GABRG1: variants seen among roughly 807,000 people sequenced by gnomAD.
GABRG1 encodes the protein gamma-aminobutyric acid receptor subunit gamma-1.
GABRG1 carries 49 observed loss-of-function variants against 49.8 expected under a neutral mutation model. The ratio of observed to expected loss-of-function variants is 0.98; its 90% CI spans 0.78 to 1.25. The LOEUF (loss-of-function observed/expected upper bound fraction) is 1.25, where lower values mean the gene tolerates loss of function less well. GABRG1 is among the 50% of genes most tolerant of loss of function. The pLI, the probability that GABRG1 is intolerant of heterozygous loss-of-function variation, is 0.00. For missense variants in GABRG1, 552 were observed against 552.3 expected (o/e 1.00, Z 0.01); for synonymous variants, 232 against 185.1 (o/e 1.25, Z -2.06).
intron 3 of GABRG1, among the ~76,000 whole-genome samples, chr4:46,066,198 A>G (rs1718914527): frequency 6.6e-6 from 1 of 152,202 alleles, no homozygotes; most frequent in East Asian, 1.9e-4. Context: ...AATGTCAACA[A>G]TTATATTAAT....
At chr4:46,090,931 A>T (rs1719961216) in intron 2 of GABRG1, among the ~76,000 whole-genome samples, 1 of 122,662 alleles carries the variant, frequency 8.2e-6, no homozygotes, top group Admixed American at 8.2e-5. Context: ...ACTTCCCTGG[A>T]ATACACACAC....
intron 2 of GABRG1, among the ~76,000 whole-genome samples, chr4:46,096,984 A>G (rs1720184876): frequency 2.0e-5 from 3 of 151,694 alleles, no homozygotes; most frequent in South Asian, 2.1e-4. Flanking sequence ...TTGTTGTAGC[A>G]GTTGGAAAAT....
At chr4:46,100,476 TAA>T (rs34941036) in intron 1 of GABRG1, among the ~76,000 whole-genome samples, 2 of 150,140 alleles carry the variant, frequency 1.3e-5, no homozygotes, top group Non-Finnish European at 1.5e-5. Flanking sequence ...AAAATAAAAG[TAA>T]AAAAAAAATA....
intron 5 of GABRG1, among the ~76,000 whole-genome samples, chr4:46,061,671 G>GTT (rs534643290): frequency 9.6e-4 from 145 of 150,360 alleles, no homozygotes; most frequent in Non-Finnish European, 1.3e-3. Flanking sequence ...AATATACCAG[G>GTT]TTTTTTTTTA....
At chr4:46,073,969 G>T (rs755516165) in intron 3 of GABRG1, among the ~76,000 whole-genome samples, 11 of 152,060 alleles carry the variant, frequency 7.2e-5, no homozygotes, top group Admixed American at 3.9e-4. Flanking sequence ...AGGGACTATT[G>T]TATAAACACA....
intron 1 of GABRG1, among the ~76,000 whole-genome samples, chr4:46,117,854 A>G (rs571250645): frequency 1.2e-3 from 90 of 75,196 alleles, no homozygotes; most frequent in African/African-American, 5.7e-3. Context: ...ATGTGTATCT[A>G]TATACATATA....
chr4:46,099,814 T>C (rs963692292), intron 1 of GABRG1, among the ~76,000 whole-genome samples: 4 of 151,652 alleles, frequency 2.6e-5, no homozygotes, highest in Non-Finnish European at 5.9e-5. Context: ...TCTACTATTA[T>C]TATATTCCCT....
At chr4:46,051,775 A>T in intron 7 of GABRG1, 137 bp from the exon 8 acceptor site, 1 of 561,168 alleles carries the variant, frequency 1.8e-6, no homozygotes, top group South Asian at 2.5e-5. Context: ...ATTAATAATT[A>T]TTGGTAGCCA....
At chr4:46,118,474 C>T (rs1246691436) in intron 1 of GABRG1, among the ~76,000 whole-genome samples, 2 of 150,922 alleles carry the variant, frequency 1.3e-5, no homozygotes, top group South Asian at 2.1e-4. Flanking sequence ...TGTTAATATG[C>T]TATCTTGACA....
At chr4:46,098,811 G>A (rs1432724995) in intron 1 of GABRG1, among the ~76,000 whole-genome samples, 1 of 151,590 alleles carries the variant, frequency 6.6e-6, no homozygotes, top group Non-Finnish European at 1.5e-5. Flanking sequence ...TAAAAACCTG[G>A]ATATCACATC....
intron 1 of GABRG1, among the ~76,000 whole-genome samples, chr4:46,100,280 A>G (rs1319401699): frequency 6.6e-6 from 1 of 151,562 alleles, no homozygotes. Flanking sequence ...ATGAGAACAC[A>G]TCGACAAATG....
At position 46,039,165 on chromosome 4, in the gene GABRG1, T is replaced by C. The variant is rs1717657703; in HGVS notation, c.*1823A>G. ...TGCTCACTTTCAAAACATCCATCAG[T>C]ACTCAATGTTATTAAAATGAATGTA... On this transcript the variant is annotated 3_prime_UTR_variant, in exon 9 of 9. Coordinates refer to ENST00000295452, the MANE Select transcript of GABRG1 (RefSeq NM_173536.4). 1 of 151,666 alleles carries C rather than the reference T, an allele frequency of 6.6e-6. No individual in the cohort carries two copies. The highest frequency in any genetic ancestry group is 2.4e-5 in the African/African-American group (1 of 41,410). 9.4% of individuals were successfully genotyped at this position (151,666 alleles called of 1,614,324 possible). A position where few individuals can be genotyped will look rare whatever the true frequency, so the allele number is the denominator to read the frequency against.
intron 1 of GABRG1, among the ~76,000 whole-genome samples, chr4:46,109,189 A>G (rs1720647595): frequency 6.6e-6 from 1 of 150,766 alleles, no homozygotes; most frequent in Non-Finnish European, 1.5e-5. Flanking sequence ...TACTGATTCA[A>G]TTTTGAAACT....
At position 46,080,921 on chromosome 4, in the gene GABRG1, G is replaced by T. The variant is rs1320921785; in HGVS notation, c.321+3065C>A. Among the ~76,000 whole-genome samples the T allele has an allele frequency of 7.2e-5, 11 of 151,748 alleles. No individual in the cohort carries two copies. In the Admixed American group the frequency reaches 7.3e-4, roughly 10 times the overall value. On this transcript the variant is annotated intron_variant, in intron 3 of 8. Transcript: ENST00000295452. ...AGCAATGTACTACTTTATGAAATCT[G>T]ATATTTGCATATTGTTAAAAATGCA...
intron 1 of GABRG1, among the ~76,000 whole-genome samples, chr4:46,104,163 G>T (rs897193234): frequency 6.6e-6 from 1 of 151,336 alleles, no homozygotes; most frequent in East Asian, 2.0e-4. Context: ...TGATTATGAT[G>T]ATTCAAATGT....
chr4:46,120,673 C>A (rs1721067323), intron 1 of GABRG1, among the ~76,000 whole-genome samples: 1 of 151,588 alleles, frequency 6.6e-6, no homozygotes, highest in African/African-American at 2.4e-5. Context: ...TCATTACTAC[C>A]CACACAAAAC....
Position 46,052,309 on chromosome 4 carries a change from T to C in GABRG1, c.917-671A>G, listed in dbSNP as rs190558074. Among the ~76,000 whole-genome samples the C allele has an allele frequency of 2.0e-4, 31 of 151,952 alleles. 1 individual carries two copies. Among genetic ancestry groups the C allele is most frequent in the Admixed American group, 1.9e-3 (29 of 15,180 alleles). On this transcript the variant is annotated intron_variant, in intron 7 of 8. Coordinates refer to ENST00000295452, the MANE Select transcript of GABRG1 (RefSeq NM_173536.4). ...CTATCTAATTGAAGTGACAGTGACTTGACATTTTCCACCATACATATACAG... is the reference window on the plus strand; with the variant it reads ...CTATCTAATTGAAGTGACAGTGACTCGACATTTTCCACCATACATATACAG...
At chr4:46,089,451 AG>A (rs1719901554) in intron 2 of GABRG1, among the ~76,000 whole-genome samples, 1 of 151,920 alleles carries the variant, frequency 6.6e-6, no homozygotes, top group Admixed American at 6.6e-5. Flanking sequence ...CTAGAAACAT[AG>A]AAGAGATAAA....
intron 3 of GABRG1, among the ~76,000 whole-genome samples, chr4:46,076,144 T>C (rs1302761170): frequency 2.0e-5 from 3 of 151,740 alleles, no homozygotes; most frequent in Admixed American, 6.6e-5. Context: ...TCTAGGACTC[T>C]TCAATCTGAA....
Sources: allele counts gnomAD v4.1 joint callset (sites outside exome capture counted in the v4.1 genomes callset), GRCh38; gene constraint gnomAD v4.1.1; transcripts MANE v1.5; gene names NCBI Gene and HGNC (gene_info 2026-07-23, HGNC 2026-07-21).